Variants in PCDH15 observed in about 807,000 individuals in gnomAD.
PCDH15 encodes protocadherin related 15.
In PCDH15, 129 loss-of-function variants were observed where a neutral mutation model predicts 178.5. The ratio of observed to expected loss-of-function variants is 0.72; its 90% CI spans 0.63 to 0.84. The LOEUF is 0.84. Among genes scored for constraint, PCDH15 ranks in the 40% least tolerant of loss-of-function variants. The probability of loss-of-function intolerance (pLI) is 0.00; values close to 1 mark genes in which losing one functional copy is unlikely to be tolerated. For synonymous variants in PCDH15, 800 were observed against 732.0 expected, an observed-to-expected ratio of 1.09 and a Z score of -1.50; for missense variants, 2,230 against 2,099.9, an observed-to-expected ratio of 1.06 and a Z score of -1.21.
At chr10:54,841,765 A>G (rs1591734961) in intron 3 of PCDH15, among the ~76,000 whole-genome samples, 2 of 151,964 alleles carry the variant, frequency 1.3e-5, no homozygotes, top group Non-Finnish European at 1.5e-5. Flanking sequence ...AAATAAAAAT[A>G]GAAAAAATTA....
chr10:54,992,547 T>C (rs572141644), intron 2 of PCDH15, among the ~76,000 whole-genome samples: 32 of 152,042 alleles, frequency 2.1e-4, no homozygotes, highest in African/African-American at 2.4e-5. Flanking sequence ...GGTCAGGAGA[T>C]TGAGACCAGC....
intron 2 of PCDH15, among the ~76,000 whole-genome samples, chr10:55,014,513 A>AT (rs34758426): frequency 0.81 from 123,259 of 152,066 alleles, 50,278 homozygotes; most frequent in East Asian, 0.91. Flanking sequence ...TCAATAAAAT[A>AT]TTTTTGTACT....
intron 3 of PCDH15, among the ~76,000 whole-genome samples, chr10:54,473,920 C>A (rs974155175): frequency 2.6e-5 from 4 of 151,620 alleles, no homozygotes; most frequent in African/African-American, 9.7e-5. Flanking sequence ...TTTAAATTCT[C>A]TATAAACATA....
At chr10:54,512,856 C>T (rs2081845102) in intron 3 of PCDH15, among the ~76,000 whole-genome samples, 1 of 152,022 alleles carries the variant, frequency 6.6e-6, no homozygotes. Context: ...CTTTATCTAA[C>T]TTCCCTTAAA....
chr10:53,820,528 C>G (rs2076222142), intron 32 of PCDH15, among the ~76,000 whole-genome samples: 1 of 151,976 alleles, frequency 6.6e-6, no homozygotes, highest in Admixed American at 6.6e-5. Flanking sequence ...GAATTGTACC[C>G]TTCTCCATGC....
Position 55,549,203 on chromosome 10 carries a change from T to C in PCDH15, c.-156+78422A>G, listed in dbSNP as rs567553909. ...TCCCCCCCAGCAAATGTTCAAATTATTCATATTCCTGTTTTTCTGTGCTTA... is the reference window on the plus strand; with the variant it reads ...TCCCCCCCAGCAAATGTTCAAATTACTCATATTCCTGTTTTTCTGTGCTTA... On this transcript the variant is annotated intron_variant, in intron 2 of 5. Transcript: ENST00000613346. Among the ~76,000 whole-genome samples, 20 of 152,220 alleles carry C rather than the reference T, an allele frequency of 1.3e-4. No homozygotes were observed. The South Asian group carries it at 4.1e-3, about 32-fold the overall frequency.
At chr10:54,868,213 T>A (rs554831406) in intron 3 of PCDH15, among the ~76,000 whole-genome samples, 1 of 152,192 alleles carries the variant, frequency 6.6e-6, no homozygotes, top group African/African-American at 2.4e-5. Flanking sequence ...TCTTCATCCA[T>A]GTTCCACAAA....
At position 54,329,661 on chromosome 10, in the gene PCDH15, T is replaced by C. The variant is rs375868631; in HGVS notation, c.640A>G (p.Ile214Val). The C allele has an allele frequency of 4.3e-6, 7 of 1,609,256 alleles. No individual in the cohort carries two copies. The highest frequency in any genetic ancestry group is 4.0e-5 in the African/African-American group (3 of 74,780). The change falls in exon 7 of 38, where the codon ATA becomes GTA. Residue 214 changes from isoleucine to valine, a missense_variant. Transcript: ENST00000644397. ...TAGTTGAGCCTCTTCCTTAACACTA[T>C]ATTTCCAGTCAACATTAGGGGAATT... ...FEIPLMLTGN[I>V]VLRKRLNYED...
chr10:53,971,080 T>A (rs2134438074), intron 21 of PCDH15, among the ~76,000 whole-genome samples: 1 of 152,286 alleles, frequency 6.6e-6, no homozygotes, highest in South Asian at 2.1e-4. Context: ...ATCAAGAAGC[T>A]TATCCACCAC....
chr10:55,581,106 T>C (rs1490132529), intron 2 of PCDH15, among the ~76,000 whole-genome samples: 1 of 152,132 alleles, frequency 6.6e-6, no homozygotes, highest in Non-Finnish European at 1.5e-5. Context: ...AATACGCATT[T>C]TTGCCTAATT....
intron 8 of PCDH15, among the ~76,000 whole-genome samples, chr10:54,299,232 A>G (rs778487342): frequency 2.0e-5 from 3 of 152,034 alleles, no homozygotes; most frequent in Non-Finnish European, 2.9e-5. Context: ...ACAGAGACAA[A>G]GAAGAAGTCA....
intron 2 of PCDH15, among the ~76,000 whole-genome samples, chr10:55,514,987 A>ATAGATAGAT (rs1554879756): frequency 1.7e-5 from 2 of 120,270 alleles, no homozygotes; most frequent in Non-Finnish European, 3.3e-5. Context: ...AGATAGATAG[A>ATAGATAGAT]TTTTTTTTTT....
chr10:54,346,890 A>G (rs1381601628), intron 5 of PCDH15, among the ~76,000 whole-genome samples: 1 of 152,230 alleles, frequency 6.6e-6, no homozygotes, highest in African/African-American at 2.4e-5. Context: ...CGAGTGAGCA[A>G]TGAAATCCAG....
At chr10:54,683,798 G>A (rs2135697482) in intron 1 of PCDH15, among the ~76,000 whole-genome samples, 1 of 152,164 alleles carries the variant, frequency 6.6e-6, no homozygotes, top group Admixed American at 6.6e-5. Flanking sequence ...AACCTGAGTT[G>A]CAATCCTGAC....
At chr10:55,269,664 C>T (rs1023280664) in intron 1 of PCDH15, among the ~76,000 whole-genome samples, 4 of 152,006 alleles carry the variant, frequency 2.6e-5, no homozygotes, top group Non-Finnish European at 5.9e-5. Flanking sequence ...ATTTTATGTT[C>T]GTGGATTGGA....
chr10:54,948,046 C>T (rs1026396200), intron 2 of PCDH15, among the ~76,000 whole-genome samples: 1 of 151,816 alleles, frequency 6.6e-6, no homozygotes, highest in Non-Finnish European at 1.5e-5. Flanking sequence ...GTAGCATATG[C>T]AAGTTGATTT....
chr10:54,481,913 T>C (rs890570109), intron 3 of PCDH15, among the ~76,000 whole-genome samples: 10 of 151,812 alleles, frequency 6.6e-5, no homozygotes, highest in African/African-American at 2.4e-4. Context: ...GTATTGCATA[T>C]ATTCAGAGCT....
intron 26 of PCDH15, among the ~76,000 whole-genome samples, chr10:53,896,001 C>G (rs2081924451): frequency 6.6e-6 from 1 of 152,078 alleles, no homozygotes; most frequent in African/African-American, 2.4e-5. Context: ...GAAAGTTATC[C>G]AGACTTACTG....
chr10:53,809,656 T>A, intron 37 of PCDH15: 3 of 1,023,110 alleles, frequency 2.9e-6, no homozygotes, highest in Middle Eastern at 2.5e-4. Flanking sequence ...GCTTCATGCA[T>A]GTTATATAAC....
Sources: allele counts gnomAD v4.1 joint callset (sites outside exome capture counted in the v4.1 genomes callset), GRCh38; gene constraint gnomAD v4.1.1; transcripts MANE v1.5; gene names NCBI Gene and HGNC (gene_info 2026-07-23, HGNC 2026-07-21).